Variants in AFAP1 observed in about 807,000 individuals in gnomAD.
AFAP1 encodes actin filament-associated protein 1.
Under a neutral mutation model 93.9 loss-of-function variants are expected in AFAP1, and 75 were observed. The observed-to-expected ratio is 0.80, with a 90% CI of 0.66 to 0.97. The LOEUF is 0.97. Ranked by LOEUF, AFAP1 falls within the 50% of genes least tolerant of loss-of-function variation. The pLI, the probability that AFAP1 is intolerant of heterozygous loss-of-function variation, is 0.00. For synonymous variants in AFAP1, 517 were observed against 430.7 expected (o/e 1.20, Z -2.48); for missense variants, 1,201 against 1,050.8 (o/e 1.14, Z -1.98).
chr4:7,763,648 G>A lies in AFAP1; in HGVS notation c.*117C>T. On this transcript the variant is annotated 3_prime_UTR_variant, in exon 18 of 18. Transcript: ENST00000420658. ...GCACTGGCCTCAGAGCTCAGTCGTG[G>A]AGCCTCTGGAGTCGTGCAGCTGAGG... is the stretch of plus-strand genomic sequence containing the variant. 1.6e-6 allele frequency: 2 copies of A among 1,248,708 alleles called. No individual in the cohort carries two copies. Among genetic ancestry groups the A allele is most frequent in the Non-Finnish European group, 2.3e-6 (2 of 878,514 alleles). The allele number at this position is 1,248,708 out of a possible 1,614,324, so 77.4% of individuals were successfully genotyped here.
At chr4:7,825,277 C>T (rs1394206717) in intron 6 of AFAP1, among the ~76,000 whole-genome samples, 1 of 152,150 alleles carries the variant, frequency 6.6e-6, no homozygotes, top group Non-Finnish European at 1.5e-5. Flanking sequence ...CCCACCTTTC[C>T]ATCACTCTAG....
intron 1 of AFAP1, among the ~76,000 whole-genome samples, chr4:7,874,356 C>CT (rs869214535): frequency 0.19 from 17,130 of 91,414 alleles, 2,065 homozygotes; most frequent in East Asian, 0.36. Context: ...TTGCCTTTTT[C>CT]TTTTTTTTTT....
rs776693101 is a variant in AFAP1, at chr4:7,772,903, T to C, written c.2170A>G (p.Lys724Glu). 12 of 1,614,084 alleles carry C rather than the reference T, an allele frequency of 7.4e-6. No individual in the cohort carries two copies. The Admixed American group carries it at 1.0e-4, about 13-fold the overall frequency. The change falls in exon 16 of 18, where the codon AAG (lysine) becomes GAG (glutamate). Residue 724 changes from lysine (K) to glutamate (E), a missense_variant. Transcript: ENST00000420658. Reference sequence around the variant, plus strand: ...GCCAGCGCTTTCTTCAGGCTCTCCTTGACCTCCGTCAGCTCCAGCTCCAGG... The same window carrying C: ...GCCAGCGCTTTCTTCAGGCTCTCCTCGACCTCCGTCAGCTCCAGCTCCAGG... ...VSLELELTEVKESLKKALAGG... is the reference protein window; with the variant it reads ...VSLELELTEVEESLKKALAGG...
At chr4:7,933,863 G>A (rs141602737) in intron 1 of AFAP1, among the ~76,000 whole-genome samples, 3 of 152,330 alleles carry the variant, frequency 2.0e-5, no homozygotes, top group African/African-American at 7.2e-5. Flanking sequence ...TTTTTGCCCA[G>A]TGACACCCAC....
chr4:7,807,939 C>T (rs541362220), intron 9 of AFAP1, among the ~76,000 whole-genome samples: 5 of 152,298 alleles, frequency 3.3e-5, no homozygotes, highest in Non-Finnish European at 5.9e-5. Flanking sequence ...ACCGCTGGGA[C>T]GTGAGATCTG....
intron 1 of AFAP1, among the ~76,000 whole-genome samples, chr4:7,874,564 T>C (rs978801476): frequency 8.0e-4 from 94 of 117,408 alleles, no homozygotes; most frequent in African/African-American, 2.5e-3. Context: ...TTTTTTTTTT[T>C]AGTAGAAACA....
Position 7,770,763 on chromosome 4 carries a change from C to T in AFAP1, c.2254-1755G>A, listed in dbSNP as rs77708775. Among the ~76,000 whole-genome samples, 1,010 of 152,252 alleles carry T rather than the reference C, an allele frequency of 6.6e-3. 10 individuals carry two copies. Among genetic ancestry groups the T allele is most frequent in the African/African-American group, 0.023 (968 of 41,570 alleles). On this transcript the variant is annotated intron_variant, in intron 16 of 17. Transcript: ENST00000420658. ...CCTCCACTCAAACAGAACCAGAGGACGGGGGCGGGACAGCTCCTCAGAGCA... is the reference window on the plus strand; with the variant it reads ...CCTCCACTCAAACAGAACCAGAGGATGGGGGCGGGACAGCTCCTCAGAGCA...
chr4:7,808,440 C>G (rs1406574857), intron 9 of AFAP1, among the ~76,000 whole-genome samples: 2 of 152,128 alleles, frequency 1.3e-5, no homozygotes, highest in Non-Finnish European at 2.9e-5. Flanking sequence ...TTGTACTTAT[C>G]TTTTGCTACC....
chr4:7,882,414 C>A (rs1717904471), intron 1 of AFAP1, among the ~76,000 whole-genome samples: 1 of 148,628 alleles, frequency 6.7e-6, no homozygotes, highest in Admixed American at 6.7e-5. Flanking sequence ...TTTTTTGAAG[C>A]AAATATAAAT....
chr4:7,808,274 G>A (rs1348181745), intron 9 of AFAP1, among the ~76,000 whole-genome samples: 1 of 152,174 alleles, frequency 6.6e-6, no homozygotes, highest in Non-Finnish European at 1.5e-5. Flanking sequence ...CATTCCGGAT[G>A]GAAACTCTCA....
rs1339454179 is a variant in AFAP1 at position 7,820,113 on chromosome 4, G to C, written c.727-942C>G. Among the ~76,000 whole-genome samples the C allele has an allele frequency of 2.0e-5, 3 of 152,196 alleles. No individual in the cohort carries two copies. The East Asian group carries it at 5.8e-4, about 29-fold the overall frequency. ...GCAGTGCAGGTGGCAGCAGAGGCTGGAGTGACCCCACTGAAGACAGAAGGA... is the reference window on the plus strand; with the variant it reads ...GCAGTGCAGGTGGCAGCAGAGGCTGCAGTGACCCCACTGAAGACAGAAGGA... On this transcript the variant is annotated intron_variant, in intron 6 of 17. Coordinates refer to ENST00000420658, the MANE Select transcript of AFAP1 (RefSeq NM_001134647.2).
chr4:7,857,176 T>C (rs535175604), intron 3 of AFAP1, among the ~76,000 whole-genome samples: 25 of 152,228 alleles, frequency 1.6e-4, no homozygotes, highest in African/African-American at 6.0e-4. Flanking sequence ...AGGCCCCAAA[T>C]TGAAATCTAC....
intron 10 of AFAP1, among the ~76,000 whole-genome samples, chr4:7,794,583 G>A (rs1383155746): frequency 1.3e-5 from 2 of 151,998 alleles, no homozygotes; most frequent in East Asian, 3.9e-4. Flanking sequence ...GTGCAGTGGT[G>A]TGATCATAGC....
intron 1 of AFAP1, among the ~76,000 whole-genome samples, chr4:7,875,898 A>T (rs917567076): frequency 1.3e-5 from 2 of 152,230 alleles, no homozygotes; most frequent in African/African-American, 2.4e-5. Flanking sequence ...GGCAGAAAGT[A>T]GAACAGTGGT....
chr4:7,853,420 C>T (rs975714901), intron 4 of AFAP1, among the ~76,000 whole-genome samples: 3 of 152,122 alleles, frequency 2.0e-5, no homozygotes, highest in Non-Finnish European at 4.4e-5. Context: ...CAGGTGGACG[C>T]GGGGACAGGG....
chr4:7,766,148 G>A lies in AFAP1; in HGVS notation c.2419-2357C>T, dbSNP rs79030800. ...GAAACAAACACCAAGCCACAATGCC[G>A]ACAACACTATGCTGAGGCCCTCTCA... On this transcript the variant is annotated intron_variant, in intron 17 of 17. Coordinates refer to ENST00000420658, the MANE Select transcript of AFAP1 (RefSeq NM_001134647.2). Among the ~76,000 whole-genome samples the A allele has an allele frequency of 3.9e-3, 589 of 152,322 alleles. 4 individuals carry two copies. Among genetic ancestry groups the A allele is most frequent in the African/African-American group, 0.013 (555 of 41,554 alleles).
At chr4:7,882,772 T>A (rs71601890) in intron 1 of AFAP1, among the ~76,000 whole-genome samples, 17,511 of 152,104 alleles carry the variant, frequency 0.12, 1,172 homozygotes, top group Non-Finnish European at 0.16. Flanking sequence ...GGCAGGAGAA[T>A]CGCTTGAACC....
chr4:7,803,851 C>T (rs1454825867), intron 9 of AFAP1, among the ~76,000 whole-genome samples: 1 of 151,972 alleles, frequency 6.6e-6, no homozygotes, highest in Non-Finnish European at 1.5e-5. Context: ...TCGTAATACC[C>T]CCAATTTTCC....
chr4:7,863,555 A>G (rs918872845), intron 3 of AFAP1, among the ~76,000 whole-genome samples: 7 of 152,340 alleles, frequency 4.6e-5, no homozygotes, highest in Non-Finnish European at 7.3e-5. Context: ...CAGAGTGTGA[A>G]ACATGCTACA....
Sources: gnomAD v4.1 joint callset for allele counts (sites outside exome capture counted in the v4.1 genomes callset) on GRCh38, gnomAD v4.1.1 for gene constraint, MANE v1.5 for transcripts, NCBI Gene and HGNC (gene_info 2026-07-23, HGNC 2026-07-21) for gene names.